The following SOX30 variants were observed in gnomAD, a reference collection of about 807,000 sequenced individuals.
SOX30 encodes SRY-box transcription factor 30.
A neutral mutation model predicts 58.6 loss-of-function variants in SOX30; 17 were observed. The ratio of observed to expected loss-of-function variants is 0.29; its 90% CI spans 0.20 to 0.44. SOX30 has a LOEUF of 0.44. SOX30 is among the 20% of genes least tolerant of loss of function. SOX30 has a pLI of 1.00. For missense variants in SOX30, 951 were observed against 965.8 expected (o/e 0.98, Z 0.20); for synonymous variants, 421 against 400.2 (o/e 1.05, Z -0.62).
At position 157,626,259 on chromosome 5, in the gene SOX30, T is replaced by C; in HGVS notation, c.*81A>G. The stretch of plus-strand genomic sequence containing the variant: ...ACTGAAAACTTTCAACAAAGAATTC[T>C]AGGCTTTTTTTTTTCTCATACCAAC... On this transcript the variant is annotated 3_prime_UTR_variant, in exon 5 of 5. Transcript: ENST00000265007. The C allele has an allele frequency of 1.5e-6, 2 of 1,292,670 alleles. No homozygotes were observed. The highest frequency in any genetic ancestry group is 3.3e-5 in the South Asian group (2 of 60,500). 80.1% of individuals were successfully genotyped at this position (1,292,670 alleles called of 1,614,324 possible).
intron 1 of SOX30, among the ~76,000 whole-genome samples, chr5:157,669,156 A>AG (rs904939513): frequency 3.0e-4 from 46 of 152,264 alleles, no homozygotes; most frequent in African/African-American, 1.1e-3. Context: ...ATCTGCTGCA[A>AG]GGCACAATGC....
intron 2 of SOX30, among the ~76,000 whole-genome samples, chr5:157,666,859 C>T (rs1414245792): frequency 6.6e-6 from 1 of 152,180 alleles, no homozygotes; most frequent in Non-Finnish European, 1.5e-5. Flanking sequence ...GCATGCACCA[C>T]TACACCTGGC....
At chr5:157,663,421 C>G (rs568061246) in intron 2 of SOX30, among the ~76,000 whole-genome samples, 7 of 152,160 alleles carry the variant, frequency 4.6e-5, no homozygotes, top group Non-Finnish European at 1.0e-4. Flanking sequence ...GCTAAAAACT[C>G]TCAATAAATT....
intron 4 of SOX30, among the ~76,000 whole-genome samples, chr5:157,632,523 A>T (rs1581389565): frequency 1.3e-5 from 2 of 152,082 alleles, no homozygotes; most frequent in Non-Finnish European, 2.9e-5. Context: ...CTGAGGCAGG[A>T]GAATCACTTG....
At chr5:157,667,741 AATACATAC>A in intron 2 of SOX30, 1 of 1,495,716 alleles carries the variant, frequency 6.7e-7, no homozygotes, top group Non-Finnish European at 8.9e-7. Flanking sequence ...TCCATCTCAG[AATACATAC>A]ATACATACAT....
chr5:157,669,437 G>C (rs184558815), intron 1 of SOX30, among the ~76,000 whole-genome samples: 1 of 151,974 alleles, frequency 6.6e-6, no homozygotes, highest in Non-Finnish European at 1.5e-5. Context: ...TGCTCTCCCC[G>C]ATCTCCCAAA....
chr5:157,651,764 G>A lies in SOX30; in HGVS notation c.315C>T (p.Pro105=), dbSNP rs542140751. 8.0e-5 allele frequency: 125 copies of A among 1,557,908 alleles called. No homozygotes were observed. The African/African-American group carries it at 1.5e-3, about 19-fold the overall frequency. ...TCGGCGGCTGCAGGAGCCGCAGGTC[G>A]GGCCTGAACTGCAACAGCCGCGCCT... ...SAQARLLQFR[P]DLRLLQPPTA... The change falls in exon 1 of 5, where the codon CCC becomes CCT. Residue 105 remains proline (P), a synonymous_variant. Coordinates refer to ENST00000265007, the MANE Select transcript of SOX30 (RefSeq NM_178424.2).
At chr5:157,661,434 G>A (rs1251297722) in intron 2 of SOX30, among the ~76,000 whole-genome samples, 1 of 152,142 alleles carries the variant, frequency 6.6e-6, no homozygotes, top group Non-Finnish European at 1.5e-5. Context: ...TCCAGAAAAG[G>A]CTATATAGTA....
intron 3 of SOX30, among the ~76,000 whole-genome samples, chr5:157,643,040 G>A (rs1028386465): frequency 6.6e-6 from 1 of 151,452 alleles, no homozygotes; most frequent in East Asian, 1.9e-4. Flanking sequence ...ATTGACAAAA[G>A]GAATATAAAT....
At position 157,652,200 on chromosome 5, in the gene SOX30, A is replaced by T. The variant is rs1759374788; in HGVS notation, c.-122T>A. 7.6e-7 allele frequency: 1 copy of T among 1,320,728 alleles called. No homozygotes were observed. The highest frequency in any genetic ancestry group is 9.6e-7 in the Non-Finnish European group (1 of 1,042,596). The allele number at this position is 1,320,728 out of a possible 1,614,324, so 81.8% of individuals were successfully genotyped here. A position where few individuals can be genotyped will look rare whatever the true frequency, so the allele number is the denominator to read the frequency against. Reference sequence around the variant, plus strand: ...CTACCCAGAACCCTACGCGGTTCAAAACGCAGCTGTCTGTCTGGGCCTCAC... The same window carrying T: ...CTACCCAGAACCCTACGCGGTTCAATACGCAGCTGTCTGTCTGGGCCTCAC... On this transcript the variant is annotated 5_prime_UTR_variant, in exon 1 of 5. Transcript: ENST00000265007.
chr5:157,645,107 C>T (rs1235414782), intron 3 of SOX30, among the ~76,000 whole-genome samples: 1 of 152,120 alleles, frequency 6.6e-6, no homozygotes, highest in Non-Finnish European at 1.5e-5. Flanking sequence ...CCTGCCTGTG[C>T]TAGGACAGAA....
rs76860418 is a variant in SOX30, at chr5:157,670,483, T to A, written c.-4+847A>T. Among the ~76,000 whole-genome samples the A allele has an allele frequency of 7.4e-4, 112 of 152,278 alleles. 3 individuals carry two copies. In the East Asian group the frequency reaches 0.021, roughly 29 times the overall value. On this transcript the variant is annotated intron_variant, in intron 1 of 5. Transcript: ENST00000519442. Reference sequence around the variant, plus strand: ...CACAGAGTAAGCCCTCTAAAAATGATAACTATTTTTCTTGCTTTGGATAGG... The same window carrying A: ...CACAGAGTAAGCCCTCTAAAAATGAAAACTATTTTTCTTGCTTTGGATAGG...
chr5:157,629,968 T>TA (rs1758749656), intron 4 of SOX30, among the ~76,000 whole-genome samples: 1 of 152,200 alleles, frequency 6.6e-6, no homozygotes, highest in African/African-American at 2.4e-5. Flanking sequence ...CTGATCCTTG[T>TA]ATCCTTCTTA....
In SOX30 at chr5:157,632,047, T is replaced by TAAAAAA. The variant is rs570172679; in HGVS notation, c.1881-5332_1881-5327dup. On this transcript the variant is annotated intron_variant, in intron 4 of 4. Transcript: ENST00000265007. ...GACACAGCAAGACCCACCCCGTAAC[T>TAAAAAA]AAAAAAAAAAAAAAAAAAAAAAAAA... Among the ~76,000 whole-genome samples the TAAAAAA allele has an allele frequency of 1.6e-3, 91 of 56,376 alleles. 2 individuals carry two copies. The highest frequency in any genetic ancestry group is 4.5e-3 in the African/African-American group (57 of 12,766). The allele number at this position is 56,376 out of a possible 152,430, so 37.0% of individuals were successfully genotyped here.
intron 4 of SOX30, among the ~76,000 whole-genome samples, chr5:157,634,006 T>C (rs1758868600): frequency 1.3e-5 from 2 of 152,216 alleles, no homozygotes; most frequent in Admixed American, 6.5e-5. Flanking sequence ...GAAGAATTAA[T>C]GTAGTACACA....
intron 3 of SOX30, among the ~76,000 whole-genome samples, chr5:157,643,958 G>C (rs1349808721): frequency 1.3e-5 from 2 of 152,104 alleles, no homozygotes; most frequent in Non-Finnish European, 1.5e-5. Flanking sequence ...TTCCAAATTT[G>C]CAAGTGATAC....
At chr5:157,633,627 A>G in intron 4 of SOX30, among the ~76,000 whole-genome samples, 1 of 152,222 alleles carries the variant, frequency 6.6e-6, no homozygotes, top group East Asian at 1.9e-4. Context: ...ATTATTATGG[A>G]AGAAGTCCAT....
intron 4 of SOX30, among the ~76,000 whole-genome samples, chr5:157,633,155 G>A (rs1319550589): frequency 6.6e-6 from 1 of 152,206 alleles, no homozygotes; most frequent in Non-Finnish European, 1.5e-5. Flanking sequence ...GAACAGGGGA[G>A]CAGAGCAGGG....
chr5:157,636,894 G>A (rs555905378), intron 4 of SOX30, among the ~76,000 whole-genome samples: 38 of 152,216 alleles, frequency 2.5e-4, no homozygotes, highest in African/African-American at 6.0e-4. Flanking sequence ...TTGGGAGGCC[G>A]AGATGGGCAG....
Sources: gnomAD v4.1 joint callset for allele counts (sites outside exome capture counted in the v4.1 genomes callset) on GRCh38, gnomAD v4.1.1 for gene constraint, MANE v1.5 for transcripts, NCBI Gene and HGNC (gene_info 2026-07-23, HGNC 2026-07-21) for gene names.